HMCN1: variants seen among roughly 807,000 people sequenced by gnomAD.
The protein encoded by HMCN1 is hemicentin-1.
HMCN1 carries 321 observed loss-of-function variants against 625.9 expected under a neutral mutation model. The ratio of observed to expected loss-of-function variants is 0.51; its 90% CI spans 0.47 to 0.56. The LOEUF (loss-of-function observed/expected upper bound fraction) is 0.56, where lower values mean the gene tolerates loss of function less well. HMCN1 is among the 20% of genes least tolerant of loss of function. HMCN1 has a pLI of 0.00. For synonymous variants in HMCN1, 2,425 were observed against 2,417.6 expected (o/e 1.00, Z -0.09); for missense variants, 6,588 against 6,887.3 (o/e 0.96, Z 1.54).
intron 1 of HMCN1, among the ~76,000 whole-genome samples, chr1:185,735,343 A>T (rs535809001): frequency 2.0e-5 from 3 of 152,306 alleles, no homozygotes; most frequent in Non-Finnish European, 1.5e-5. Flanking sequence ...CATCAAAATC[A>T]CTTAACTCAC....
intron 30 of HMCN1, among the ~76,000 whole-genome samples, chr1:186,011,379 T>C (rs1653991849): frequency 6.6e-6 from 1 of 152,180 alleles, no homozygotes; most frequent in Admixed American, 6.5e-5. Context: ...ACCTATTTCG[T>C]CTTTGAAAAT....
chr1:185,894,994 A>G (rs1044402566), intron 4 of HMCN1, among the ~76,000 whole-genome samples: 12 of 151,424 alleles, frequency 7.9e-5, no homozygotes, highest in African/African-American at 2.0e-4. Context: ...AGAGTTATCA[A>G]TTTGGCTTTC....
At chr1:186,077,619 A>G (rs1377899788) in intron 54 of HMCN1, among the ~76,000 whole-genome samples, 2 of 152,170 alleles carry the variant, frequency 1.3e-5, no homozygotes, top group African/African-American at 2.4e-5. Flanking sequence ...AATTATTGCA[A>G]CTTTTCTCTA....
chr1:186,165,524 G>A (rs1651824062), intron 98 of HMCN1, among the ~76,000 whole-genome samples: 1 of 152,228 alleles, frequency 6.6e-6, no homozygotes. Context: ...CTGTGAGAGA[G>A]CCACAACATT....
chr1:185,808,076 A>T (rs1170071778), intron 1 of HMCN1, among the ~76,000 whole-genome samples: 1 of 152,014 alleles, frequency 6.6e-6, no homozygotes, highest in Non-Finnish European at 1.5e-5. Context: ...AAAACAAACA[A>T]ACAAAAAACC....
chr1:186,066,415 C>A (rs1022100459), intron 49 of HMCN1, among the ~76,000 whole-genome samples: 2 of 152,106 alleles, frequency 1.3e-5, no homozygotes, highest in Non-Finnish European at 2.9e-5. Context: ...ATCTACCCGG[C>A]CAAAAGTCAG....
chr1:185,809,321 G>A (rs892478027), intron 1 of HMCN1, among the ~76,000 whole-genome samples: 6 of 151,818 alleles, frequency 4.0e-5, no homozygotes, highest in Non-Finnish European at 7.4e-5. Flanking sequence ...AGATAATTTT[G>A]TAATTAATAA....
chr1:186,156,967 A>G (rs7545010), intron 97 of HMCN1, among the ~76,000 whole-genome samples: 81,146 of 151,892 alleles, frequency 0.53, 22,453 homozygotes, highest in African/African-American at 0.66. Context: ...CCTGGGTTGC[A>G]CACCCGTGGG....
At chr1:186,141,096 A>C (rs1317379399) in intron 89 of HMCN1, among the ~76,000 whole-genome samples, 1 of 152,292 alleles carries the variant, frequency 6.6e-6, no homozygotes, top group African/African-American at 2.4e-5. Context: ...TTAGATTCTC[A>C]TAAGGAGCAC....
chr1:186,103,684 C>T lies in HMCN1; in HGVS notation c.10770+16C>T. On this transcript the variant is annotated intron_variant, in intron 69 of 106. Coordinates refer to ENST00000271588, the MANE Select transcript of HMCN1 (RefSeq NM_031935.3). The stretch of plus-strand genomic sequence containing the variant: ...TACTGCTCAGGTAAGTGTCAAAGTT[C>T]ATAGAATTATTTTAGGTTAGGTCAA... 1 of 1,609,304 alleles carries T rather than the reference C, an allele frequency of 6.2e-7. No individual in the cohort carries two copies. The highest frequency in any genetic ancestry group is 8.5e-7 in the Non-Finnish European group (1 of 1,176,496).
intron 103 of HMCN1, among the ~76,000 whole-genome samples, chr1:186,176,632 T>C (rs1206875574): frequency 6.6e-6 from 1 of 152,226 alleles, no homozygotes; most frequent in Non-Finnish European, 1.5e-5. Flanking sequence ...AATACATTGC[T>C]AAACAGGGCA....
chr1:185,736,755 A>G (rs1284026248), intron 1 of HMCN1, among the ~76,000 whole-genome samples: 1 of 152,156 alleles, frequency 6.6e-6, no homozygotes, highest in East Asian at 1.9e-4. Flanking sequence ...GCTGTAGTTG[A>G]CTTTCCTGTA....
intron 36 of HMCN1, among the ~76,000 whole-genome samples, chr1:186,024,666 T>G (rs1654945756): frequency 6.6e-6 from 1 of 152,202 alleles, no homozygotes; most frequent in Admixed American, 6.5e-5. Flanking sequence ...CATAGTGATT[T>G]TGGGGTTCAG....
At chr1:186,063,098 A>ATATATATATATATATATATC in intron 48 of HMCN1, among the ~76,000 whole-genome samples, 1 of 125,250 alleles carries the variant, frequency 8.0e-6, no homozygotes, top group Non-Finnish European at 1.7e-5. Flanking sequence ...ATATATATAT[A>ATATATATATATATATATATC]TATATCACAT....
chr1:185,994,906 T>C lies in HMCN1; in HGVS notation c.3597T>C (p.Leu1199=), dbSNP rs1652680078. 1.2e-6 allele frequency: 2 copies of C among 1,613,902 alleles called. No individual in the cohort carries two copies. Residue 1199 remains leucine (L), a synonymous_variant, in exon 24 of 107, where the codon CTT becomes CTC. Coordinates refer to ENST00000271588, the MANE Select transcript of HMCN1 (RefSeq NM_031935.3). The part of the protein sequence containing the change: ...DIPCNAQGTP[L]PVITWSKGGS... ...CATGTAATGCTCAAGGGACTCCTCT[T>C]CCTGTAATCACCTGGTCCAAAGGTG...
At chr1:185,983,172 A>G (rs945855437) in intron 18 of HMCN1, among the ~76,000 whole-genome samples, 1 of 152,094 alleles carries the variant, frequency 6.6e-6, no homozygotes, top group Non-Finnish European at 1.5e-5. Flanking sequence ...TTTCGGTGTA[A>G]AATTTTTTTT....
At chr1:186,123,567 T>C (rs568133048) in intron 81 of HMCN1, among the ~76,000 whole-genome samples, 1 of 152,308 alleles carries the variant, frequency 6.6e-6, no homozygotes, top group East Asian at 1.9e-4. Flanking sequence ...GTCATCTTGG[T>C]TCAAATGAAT....
chr1:186,001,693 A>G lies in HMCN1; in HGVS notation c.4300A>G (p.Ile1434Val). Residue 1434 changes from isoleucine to valine, a missense_variant, in exon 28 of 107, where the codon ATT becomes GTT. Around this residue, in one of 3 missense-constraint regions of HMCN1, gnomAD observed 4,628 missense variants for 4,853.1 expected, o/e 0.95. Coordinates refer to ENST00000271588, the MANE Select transcript of HMCN1 (RefSeq NM_031935.3). ...TGCAGGAAGATATTCCTGCAAAGCA[A>G]TTAATATTGCAGGCACTTCTCAGAA... is the stretch of plus-strand genomic sequence containing the variant. ...EDAGRYSCKA[I>V]NIAGTSQKYF... 1 of 1,612,888 alleles carries G rather than the reference A, an allele frequency of 6.2e-7. No homozygotes were observed.
intron 1 of HMCN1, among the ~76,000 whole-genome samples, chr1:185,741,276 A>G (rs1219261191): frequency 1.3e-5 from 2 of 152,186 alleles, no homozygotes; most frequent in African/African-American, 4.8e-5. Context: ...GGACTAAGAC[A>G]AGTAAATAGA....
Sources: allele counts gnomAD v4.1 joint callset (sites outside exome capture counted in the v4.1 genomes callset), GRCh38; gene constraint gnomAD v4.1.1; regional missense constraint gnomAD v4.1.1; transcripts MANE v1.5; gene names NCBI Gene and HGNC (gene_info 2026-07-23, HGNC 2026-07-21).